LRP1B: variants seen among roughly 807,000 people sequenced by gnomAD.
LRP1B encodes the protein LDL receptor related protein 1B.
A neutral mutation model predicts 556.6 loss-of-function variants in LRP1B; 217 were observed. The ratio of observed to expected loss-of-function variants is 0.39; its 90% CI spans 0.35 to 0.44. LRP1B has a LOEUF of 0.44. LRP1B is among the 20% of genes least tolerant of loss of function. The pLI, the probability that LRP1B is intolerant of heterozygous loss-of-function variation, is 1.00. For missense variants in LRP1B, 5,053 were observed against 5,620.8 expected (o/e 0.90, Z 3.23); for synonymous variants, 2,047 against 1,865.8 (o/e 1.10, Z -2.50).
At chr2:141,101,822 C>T (rs1700469286) in intron 7 of LRP1B, among the ~76,000 whole-genome samples, 1 of 152,070 alleles carries the variant, frequency 6.6e-6, no homozygotes, top group South Asian at 2.1e-4. Flanking sequence ...TAATTTATCC[C>T]AGATTCCCCA....
intron 1 of LRP1B, among the ~76,000 whole-genome samples, chr2:141,912,502 T>A (rs1244506015): frequency 1.3e-5 from 2 of 152,034 alleles, no homozygotes; most frequent in Non-Finnish European, 2.9e-5. Context: ...CCCACAGGTA[T>A]GAGTGAAAAG....
At chr2:141,957,383 T>G (rs1219196388) in intron 1 of LRP1B, among the ~76,000 whole-genome samples, 5 of 58,472 alleles carry the variant, frequency 8.6e-5, no homozygotes, top group African/African-American at 2.1e-4. Context: ...TTTGTGTGTG[T>G]GGGGGGGGGG....
intron 2 of LRP1B, among the ~76,000 whole-genome samples, chr2:141,651,437 G>A (rs1689787321): frequency 6.6e-6 from 1 of 152,156 alleles, no homozygotes; most frequent in East Asian, 1.9e-4. Flanking sequence ...GCGGAGGCAG[G>A]CAGATCACTT....
intron 84 of LRP1B, among the ~76,000 whole-genome samples, chr2:140,288,918 C>T (rs767003322): frequency 2.6e-5 from 4 of 151,794 alleles, no homozygotes; most frequent in Non-Finnish European, 5.9e-5. Flanking sequence ...CAAAACATGT[C>T]TATAATGCTA....
At chr2:141,993,023 C>T (rs1702389713) in intron 1 of LRP1B, among the ~76,000 whole-genome samples, 1 of 152,012 alleles carries the variant, frequency 6.6e-6, no homozygotes, top group South Asian at 2.1e-4. Context: ...TATTTTCATT[C>T]TAGTTTTAAA....
chr2:140,389,848 C>A (rs1465338103), intron 66 of LRP1B, among the ~76,000 whole-genome samples: 1 of 151,110 alleles, frequency 6.6e-6, no homozygotes, highest in African/African-American at 2.4e-5. Flanking sequence ...ATGGAAAAGG[C>A]TGGGCGTGGT....
intron 1 of LRP1B, among the ~76,000 whole-genome samples, chr2:142,082,840 G>A (rs1413607262): frequency 1.3e-5 from 2 of 152,202 alleles, no homozygotes; most frequent in African/African-American, 4.8e-5. Context: ...TATCTAATAT[G>A]TATGGGAGAA....
In LRP1B at chr2:141,455,248, T is replaced by TAAA. The variant is rs201384628; in HGVS notation, c.343+25145_343+25147dup. Among the ~76,000 whole-genome samples the TAAA allele has an allele frequency of 5.7e-3, 807 of 141,972 alleles. 5 individuals are homozygous for TAAA. The highest frequency in any genetic ancestry group is 9.2e-3 in the Non-Finnish European group (593 of 64,774). 93.1% of individuals were successfully genotyped at this position (141,972 alleles called of 152,430 possible). On this transcript the variant is annotated intron_variant, in intron 3 of 90. Transcript: ENST00000389484. ...CTATCTGAATAACCATCTTAATCATTAAAAAAAAAAAAGGAACAAAGAAAA... is the reference window on the plus strand; with the variant it reads ...CTATCTGAATAACCATCTTAATCATTAAAAAAAAAAAAAAAGGAACAAAGAAAA...
intron 1 of LRP1B, among the ~76,000 whole-genome samples, chr2:141,822,130 C>CACAGAGAGAGAGAG (rs374369026): frequency 1.1e-4 from 11 of 95,896 alleles, no homozygotes; most frequent in African/African-American, 4.5e-4. Flanking sequence ...CACACACACA[C>CACAGAGAGAGAGAG]AGAGAGAGAG....
intron 1 of LRP1B, among the ~76,000 whole-genome samples, chr2:142,045,612 C>A (rs1219144859): frequency 6.6e-6 from 1 of 151,790 alleles, no homozygotes; most frequent in Non-Finnish European, 1.5e-5. Context: ...ACTTATTTTG[C>A]AACTATTATA....
intron 37 of LRP1B, among the ~76,000 whole-genome samples, chr2:140,711,943 C>T (rs1574269829): frequency 6.6e-6 from 1 of 152,166 alleles, no homozygotes; most frequent in African/African-American, 2.4e-5. Context: ...TTTAGAAATA[C>T]CTCAAAGGCA....
intron 66 of LRP1B, among the ~76,000 whole-genome samples, chr2:140,413,894 C>CT (rs150619149): frequency 0.02 from 3,105 of 152,168 alleles, 38 homozygotes; most frequent in African/African-American, 0.028. Flanking sequence ...TAGTTCATAT[C>CT]TTTTTTTCCA....
chr2:141,848,917 C>T (rs547392578), intron 1 of LRP1B, among the ~76,000 whole-genome samples: 1 of 151,530 alleles, frequency 6.6e-6, no homozygotes, highest in African/African-American at 2.4e-5. Context: ...CAGGGGAGTG[C>T]CTGGCACATA....
At chr2:140,517,804 G>A (rs903049286) in intron 49 of LRP1B, among the ~76,000 whole-genome samples, 8 of 144,952 alleles carry the variant, frequency 5.5e-5, no homozygotes, top group African/African-American at 2.0e-4. Context: ...TCCGCCTCCC[G>A]GGTTCAAGTG....
At chr2:141,439,784 G>A (rs944238520) in intron 3 of LRP1B, among the ~76,000 whole-genome samples, 1 of 152,142 alleles carries the variant, frequency 6.6e-6, no homozygotes, top group Non-Finnish European at 1.5e-5. Flanking sequence ...ACTGATTATT[G>A]AAAATAATCC....
At position 141,474,436 on chromosome 2, in the gene LRP1B, T is replaced by A. The variant is rs565568324; in HGVS notation, c.343+5960A>T. Among the ~76,000 whole-genome samples the A allele has an allele frequency of 1.4e-4, 21 of 152,098 alleles. 1 individual carries two copies. Among genetic ancestry groups the A allele is most frequent in the Admixed American group, 3.9e-4 (6 of 15,262 alleles). On this transcript the variant is annotated intron_variant, in intron 3 of 90. Coordinates refer to ENST00000389484, the MANE Select transcript of LRP1B (RefSeq NM_018557.3). The stretch of plus-strand genomic sequence containing the variant: ...TTTTTTTTAGCACTTTTCATAAGAG[T>A]TTCGTTTTATGGATAGAAATATAAA...
At chr2:141,799,231 T>C (rs534711571) in intron 2 of LRP1B, among the ~76,000 whole-genome samples, 1 of 152,294 alleles carries the variant, frequency 6.6e-6, no homozygotes, top group South Asian at 2.1e-4. Context: ...GGGTAGAAGC[T>C]GTGAGCATAA....
Position 140,475,280 on chromosome 2 carries a change from A to G in LRP1B, c.9483T>C (p.Asp3161=), listed in dbSNP as rs1302681962. ...EYPHIGRVGM[D]GTNQSVVIET... ...CTATGACAACACTCTGATTGGTTCCATCCATTCCAACACGGCCAATATGAG... is the reference window on the plus strand; with the variant it reads ...CTATGACAACACTCTGATTGGTTCCGTCCATTCCAACACGGCCAATATGAG... Residue 3161 remains aspartate, a synonymous_variant, in exon 60 of 91, where the codon GAT becomes GAC. Coordinates refer to ENST00000389484, the MANE Select transcript of LRP1B (RefSeq NM_018557.3). 1 of 1,611,674 alleles carries G rather than the reference A, an allele frequency of 6.2e-7. No individual in the cohort carries two copies. Among genetic ancestry groups the G allele is most frequent in the East Asian group, 2.2e-5 (1 of 44,762 alleles).
intron 3 of LRP1B, among the ~76,000 whole-genome samples, chr2:141,467,441 T>C (rs759459754): frequency 6.6e-6 from 1 of 152,120 alleles, no homozygotes; most frequent in Non-Finnish European, 1.5e-5. Context: ...TATTTGCACA[T>C]AGTACAAATT....
Sources: gnomAD v4.1 joint callset for allele counts (sites outside exome capture counted in the v4.1 genomes callset) on GRCh38, gnomAD v4.1.1 for gene constraint, MANE v1.5 for transcripts, NCBI Gene and HGNC (gene_info 2026-07-23, HGNC 2026-07-21) for gene names.